Variants in HSD17B2 observed in about 807,000 individuals in gnomAD.
HSD17B2 encodes 17-beta-hydroxysteroid dehydrogenase type 2.
A neutral mutation model predicts 26.9 loss-of-function variants in HSD17B2; 32 were observed. The ratio of observed to expected loss-of-function variants is 1.19; its 90% CI spans 0.90 to 1.60. The LOEUF is 1.60. Ranked by LOEUF, HSD17B2 falls within the 40% of genes most tolerant of loss-of-function variation. The probability of loss-of-function intolerance (pLI) is 0.00; values close to 1 mark genes in which losing one functional copy is unlikely to be tolerated. For missense variants in HSD17B2, 613 were observed against 468.6 expected (o/e 1.31, Z -2.85); for synonymous variants, 246 against 186.7 (o/e 1.32, Z -2.59).
At chr16:82,039,164 C>G (rs989636704) in intron 1 of HSD17B2, among the ~76,000 whole-genome samples, 4 of 152,026 alleles carry the variant, frequency 2.6e-5, no homozygotes, top group Admixed American at 6.6e-5. Flanking sequence ...ATCTTTATTA[C>G]TAGCTGTGTG....
intron 3 of HSD17B2, among the ~76,000 whole-genome samples, chr16:82,086,723 T>C (rs1193710730): frequency 6.6e-6 from 1 of 152,202 alleles, no homozygotes; most frequent in Non-Finnish European, 1.5e-5. Context: ...GGTCTTGTTG[T>C]TGACTACGTA....
At chr16:82,077,929 A>G (rs1191752830) in intron 3 of HSD17B2, among the ~76,000 whole-genome samples, 1 of 152,208 alleles carries the variant, frequency 6.6e-6, no homozygotes, top group East Asian at 1.9e-4. Context: ...AAGACCTCAA[A>G]CTGTGAAACT....
chr16:82,046,302 CAGT>C (rs1913926565), intron 1 of HSD17B2, among the ~76,000 whole-genome samples: 1 of 152,148 alleles, frequency 6.6e-6, no homozygotes, highest in Non-Finnish European at 1.5e-5. Flanking sequence ...ATGGCCAGGA[CAGT>C]GGTGTGACTG....
chr16:82,052,663 C>T (rs1469487335), intron 1 of HSD17B2, among the ~76,000 whole-genome samples: 1 of 152,134 alleles, frequency 6.6e-6, no homozygotes, highest in African/African-American at 2.4e-5. Context: ...TTGCCCATCT[C>T]TCTATTTTTT....
At chr16:82,045,325 A>G (rs901130660) in intron 1 of HSD17B2, among the ~76,000 whole-genome samples, 5 of 152,060 alleles carry the variant, frequency 3.3e-5, no homozygotes, top group Admixed American at 2.0e-4. Context: ...TAAGATATAC[A>G]GTATCTAAAT....
intron 3 of HSD17B2, among the ~76,000 whole-genome samples, chr16:82,074,901 T>C (rs1309038354): frequency 6.6e-6 from 1 of 152,236 alleles, no homozygotes; most frequent in Non-Finnish European, 1.5e-5. Context: ...GAATATGCAT[T>C]CTTCTCCTGA....
rs543473720 is a variant in HSD17B2 at position 82,054,327 on chromosome 16, C to T, written c.266-13843C>T. Among the ~76,000 whole-genome samples the T allele has an allele frequency of 3.3e-5, 5 of 152,006 alleles. No homozygotes were observed. In the East Asian group the frequency reaches 9.7e-4, roughly 29 times the overall value. On this transcript the variant is annotated intron_variant, in intron 1 of 4. Coordinates refer to ENST00000199936, the MANE Select transcript of HSD17B2 (RefSeq NM_002153.3). Reference sequence around the variant, plus strand: ...CATCACAGACATTGTAAATATTAGACTGCCCCATTCTTTTTAAAATCTAAC... The same window carrying T: ...CATCACAGACATTGTAAATATTAGATTGCCCCATTCTTTTTAAAATCTAAC...
intron 1 of HSD17B2, among the ~76,000 whole-genome samples, chr16:82,059,944 A>G (rs891462195): frequency 3.3e-5 from 5 of 152,218 alleles, no homozygotes; most frequent in Admixed American, 3.3e-4. Context: ...TGAAAAATCT[A>G]GCTATTTCCC....
chr16:82,069,992 C>T (rs920999405), intron 2 of HSD17B2, among the ~76,000 whole-genome samples: 2 of 152,126 alleles, frequency 1.3e-5, no homozygotes, highest in Non-Finnish European at 2.9e-5. Context: ...TAGCGCAGGG[C>T]CAAGAAACAC....
At chr16:82,039,629 C>G (rs144179394) in intron 1 of HSD17B2, among the ~76,000 whole-genome samples, 3 of 152,310 alleles carry the variant, frequency 2.0e-5, no homozygotes, top group African/African-American at 7.2e-5. Context: ...CACACATTCA[C>G]TGGAGTTCCT....
At chr16:82,085,020 G>A (rs913186763) in intron 3 of HSD17B2, among the ~76,000 whole-genome samples, 19 of 152,208 alleles carry the variant, frequency 1.2e-4, no homozygotes, top group African/African-American at 2.7e-4. Context: ...TACTGAGGCC[G>A]TCCCAAGCTA....
chr16:82,061,678 A>T (rs1298391519), intron 1 of HSD17B2, among the ~76,000 whole-genome samples: 1 of 152,248 alleles, frequency 6.6e-6, no homozygotes, highest in African/African-American at 2.4e-5. Flanking sequence ...TTAAAGAACG[A>T]TATGTAGGAA....
At position 82,068,229 on chromosome 16, in the gene HSD17B2, G is replaced by A; in HGVS notation, c.325G>A (p.Val109Ile). The A allele has an allele frequency of 6.2e-7, 1 of 1,614,098 alleles. No individual in the cohort carries two copies. Among genetic ancestry groups the A allele is most frequent in the Non-Finnish European group, 8.5e-7 (1 of 1,180,030 alleles). Residue 109 changes from valine to isoleucine, a missense_variant, in exon 2 of 5, where the codon GTA (valine) becomes ATA (isoleucine). Val to Ile is a conservative substitution (Grantham distance 29). Coordinates refer to ENST00000199936, the MANE Select transcript of HSD17B2 (RefSeq NM_002153.3). The part of the protein sequence containing the change: ...CKYLDELGFT[V>I]FAGVLNENGP... ...GTATCTGGATGAGCTGGGCTTCACG[G>A]TATTTGCCGGAGTTTTGAATGAAAA...
chr16:82,077,893 T>G (rs1486255912), intron 3 of HSD17B2, among the ~76,000 whole-genome samples: 1 of 152,048 alleles, frequency 6.6e-6, no homozygotes, highest in Non-Finnish European at 1.5e-5. Flanking sequence ...AAAAATCAAA[T>G]CAAAATGGAT....
chr16:82,082,964 C>G (rs1191816372), intron 3 of HSD17B2, among the ~76,000 whole-genome samples: 1 of 152,174 alleles, frequency 6.6e-6, no homozygotes, highest in Non-Finnish European at 1.5e-5. Flanking sequence ...CAAGCCACCT[C>G]CTTCCCTGGT....
At chr16:82,089,950 T>C (rs2142365869) in intron 3 of HSD17B2, among the ~76,000 whole-genome samples, 1 of 152,276 alleles carries the variant, frequency 6.6e-6, no homozygotes, top group East Asian at 1.9e-4. Flanking sequence ...TTGCCTTCCA[T>C]TACTTCCTTA....
At chr16:82,097,345 A>ATGTG (rs1567595550) in intron 4 of HSD17B2, 2 of 87,942 alleles carry the variant, frequency 2.3e-5, no homozygotes, top group Non-Finnish European at 5.0e-5. Flanking sequence ...CACATTATAT[A>ATGTG]TGTGTACACA....
chr16:82,058,491 T>A (rs1317588432), intron 1 of HSD17B2, among the ~76,000 whole-genome samples: 1 of 152,216 alleles, frequency 6.6e-6, no homozygotes, highest in African/African-American at 2.4e-5. Context: ...TTTTAAAAAA[T>A]GTGCATCTTA....
At chr16:82,088,420 T>C (rs1904590389) in intron 3 of HSD17B2, among the ~76,000 whole-genome samples, 1 of 152,178 alleles carries the variant, frequency 6.6e-6, no homozygotes, top group Non-Finnish European at 1.5e-5. Context: ...AATTTACAGA[T>C]AAAAAGGCAG....
Sources: gnomAD v4.1 joint callset for allele counts (sites outside exome capture counted in the v4.1 genomes callset) on GRCh38, gnomAD v4.1.1 for gene constraint, MANE v1.5 for transcripts, NCBI Gene and HGNC (gene_info 2026-07-23, HGNC 2026-07-21) for gene names.